Variants in DUOX2 observed in about 807,000 individuals in gnomAD.
The protein encoded by DUOX2 is NADH/NADPH thyroid oxidase p138-tox.
Under a neutral mutation model 183.3 loss-of-function variants are expected in DUOX2, and 185 were observed. That is an observed-to-expected ratio of 1.01 (90% CI 0.90 to 1.14). The LOEUF (loss-of-function observed/expected upper bound fraction) is 1.14. DUOX2 is among the 50% of genes most tolerant of loss of function. DUOX2 has a pLI of 0.00. For missense variants in DUOX2, 1,999 were observed against 2,022.9 expected (o/e 0.99, Z 0.23); for synonymous variants, 788 against 812.4 (o/e 0.97, Z 0.51).
chr15:45,100,196 T>A lies in DUOX2; in HGVS notation c.3038A>T (p.Glu1013Val). Reference sequence around the variant, plus strand: ...TCGCTGCATCTTCTCTTGCAGCGCCTCTGTGTACAGCCGGGGAGTGGGCAC... The same window carrying A: ...TCGCTGCATCTTCTCTTGCAGCGCCACTGTGTACAGCCGGGGAGTGGGCAC... ...AAVPTPRLYT[E>V]ALQEKMQRGF... is the part of the protein sequence containing the mutation. Residue 1013 changes from glutamate to valine, a missense_variant, in exon 24 of 34, where the codon GAG becomes GTG. Physicochemically the swap from Glu to Val is moderately radical, Grantham distance 121. Around this residue, in one of 3 missense-constraint regions of DUOX2, gnomAD observed 1,628 missense variants for 1,608.6 expected, o/e 1.01. Coordinates refer to ENST00000389039, the MANE Select transcript of DUOX2 (RefSeq NM_001363711.2). The A allele has an allele frequency of 6.2e-7, 1 of 1,614,072 alleles. No homozygotes were observed. The highest frequency in any genetic ancestry group is 8.5e-7 in the Non-Finnish European group (1 of 1,180,022).
At chr15:45,110,322 C>G in intron 9 of DUOX2, 106 bp downstream of exon 9, 1 of 1,173,758 alleles carries the variant, frequency 8.5e-7, no homozygotes, top group Admixed American at 2.7e-5. Flanking sequence ...TTTGCTTCCC[C>G]TTCTCTAGTG....
rs1463892261 is a variant in DUOX2, at chr15:45,098,633, C to A, written c.3516-575G>T. Among the ~76,000 whole-genome samples, 3 of 152,140 alleles carry A rather than the reference C, an allele frequency of 2.0e-5. No homozygotes were observed. The East Asian group carries it at 5.8e-4, about 29-fold the overall frequency. ...TCCTTCTTGAAGGCAAGAAATTTACCTTTCAGCTTCCCCCAGGGGACTAGC... is the reference window on the plus strand; with the variant it reads ...TCCTTCTTGAAGGCAAGAAATTTACATTTCAGCTTCCCCCAGGGGACTAGC... On this transcript the variant is annotated intron_variant, in intron 26 of 33. Coordinates refer to ENST00000389039, the MANE Select transcript of DUOX2 (RefSeq NM_001363711.2).
At chr15:45,106,003 A>C in intron 17 of DUOX2, 122 bp downstream of exon 17, 4 of 1,388,144 alleles carry the variant, frequency 2.9e-6, no homozygotes, top group Non-Finnish European at 3.0e-6. Flanking sequence ...CTCTGAAAGG[A>C]GCCCCTCTCC....
At position 45,097,721 on chromosome 15, in the gene DUOX2, G is replaced by A. The variant is rs1893944359; in HGVS notation, c.3586C>T (p.Leu1196Phe). The change falls in exon 28 of 34, where the codon CTC becomes TTC. Residue 1196 changes from leucine to phenylalanine, a missense_variant. Physicochemically the swap from Leu to Phe is conservative, Grantham distance 22 (BLOSUM62 0). Around this residue, in one of 3 missense-constraint regions of DUOX2, gnomAD observed 1,628 missense variants for 1,608.6 expected, o/e 1.01. Transcript: ENST00000389039. ...TVPGMTGVLL[L>F]LVLAIMYVFA... ...ACATACATGATGGCCAGGACCAGGA[G>A]CAGAAGCACACCTGTCATACCTGGG... 6.2e-7 allele frequency: 1 copy of A among 1,614,232 alleles called. No individual in the cohort carries two copies. The highest frequency in any genetic ancestry group is 8.5e-7 in the Non-Finnish European group (1 of 1,180,048).
Position 45,113,092 on chromosome 15 carries a change from A to C in DUOX2, c.71-16T>G. ...TCCTGACTGCCTGTGGGCACAGAGA[A>C]GGGCCTCCTCAGCACTACGCTCCCA... On this transcript the variant is annotated splice_polypyrimidine_tract_variant and intron_variant, in intron 2 of 33. Coordinates refer to ENST00000389039, the MANE Select transcript of DUOX2 (RefSeq NM_001363711.2). 1.2e-6 allele frequency: 2 copies of C among 1,612,132 alleles called. No homozygotes were observed.
chr15:45,100,009 A>G (rs748344717), intron 24 of DUOX2, 41 bp downstream of exon 24: 1 of 1,613,932 alleles, frequency 6.2e-7, no homozygotes, highest in Admixed American at 1.7e-5. Context: ...CAAGGGTCAG[A>G]GCCTGCTCCC....
Position 45,106,936 on chromosome 15 carries a change from GT to G in DUOX2, c.1726del (p.Thr576LeufsTer10). On this transcript the variant is annotated frameshift_variant, in exon 15 of 34. Transcript: ENST00000389039. LOFTEE classifies it high-confidence loss of function. ...APCPQPKQLTTDGLPQCAPLT... is the reference protein window; with the variant it reads ...APCPQPKQLTXDGLPQCAPLT... The stretch of plus-strand genomic sequence containing the variant: ...GGGTGCACACTGGGGCAGGCCGTCA[GT>G]TGTGAGCTGCTTAGGTTGAGGGCAG... 1 of 1,579,780 alleles carries G rather than the reference GT, an allele frequency of 6.3e-7. No individual in the cohort carries two copies. The highest frequency in any genetic ancestry group is 8.6e-7 in the Non-Finnish European group (1 of 1,163,140).
Position 45,108,868 on chromosome 15 carries a change from C to A in DUOX2, c.1319G>T (p.Ser440Ile). 1 of 1,614,234 alleles carries A rather than the reference C, an allele frequency of 6.2e-7. No homozygotes were observed. Reference protein sequence around the residue: ...IQRGRDMGLPSYSQALLAFGL... With the variant: ...IQRGRDMGLPIYSQALLAFGL... ...AAAGGCCAGCAGGGCCTGGCTATAGCTGGGCAGCCCCATATCTCGGCCACG... is the reference window on the plus strand; with the variant it reads ...AAAGGCCAGCAGGGCCTGGCTATAGATGGGCAGCCCCATATCTCGGCCACG... Residue 440 changes from serine (S) to isoleucine (I), a missense_variant, in exon 12 of 34, where the codon AGC (serine) becomes ATC (isoleucine). Physicochemically the swap from Ser to Ile is moderately radical, Grantham distance 142 (BLOSUM62 -2). This residue lies in a region of DUOX2 where 1,628 missense variants were observed against 1,608.6 expected (regional missense o/e 1.01). Transcript: ENST00000389039.
rs1248806148 is a variant in DUOX2 at position 45,103,950 on chromosome 15, C to T, written c.2654+10G>A. 3 of 1,613,868 alleles carry T rather than the reference C, an allele frequency of 1.9e-6. No individual in the cohort carries two copies. The highest frequency in any genetic ancestry group is 2.7e-5 in the African/African-American group (2 of 74,894). ...AGGAAGTCTCAGGATTAGAAAGGCA[C>T]ACCCCATACCGCATCATGGTGAAGA... On this transcript the variant is annotated intron_variant, in intron 20 of 33. Coordinates refer to ENST00000389039, the MANE Select transcript of DUOX2 (RefSeq NM_001363711.2).
Position 45,099,842 on chromosome 15 carries a change from C to T in DUOX2, c.3235G>A (p.Gly1079Ser), listed in dbSNP as rs2141144373. Residue 1079 changes from glycine (G) to serine (S), a missense_variant, in exon 25 of 34, where the codon GGC becomes AGC. This residue lies in a region of DUOX2 where 1,628 missense variants were observed against 1,608.6 expected (regional missense o/e 1.01). Coordinates refer to ENST00000389039, the MANE Select transcript of DUOX2 (RefSeq NM_001363711.2). The stretch of plus-strand genomic sequence containing the variant: ...GCCGTGCCTCGTGACAGGATGATGC[C>T]CACGAGGGTGGTCTGTGCAATGTCC... ...PSDIAQTTLVGIILSRGTAAS... is the reference protein window; with the variant it reads ...PSDIAQTTLVSIILSRGTAAS... 1 of 1,614,118 alleles carries T rather than the reference C, an allele frequency of 6.2e-7. No homozygotes were observed. Among genetic ancestry groups the T allele is most frequent in the Non-Finnish European group, 8.5e-7 (1 of 1,180,024 alleles).
intron 28 of DUOX2, 91 bp downstream of exon 28, chr15:45,097,523 T>G: frequency 6.2e-7 from 1 of 1,612,342 alleles, no homozygotes; most frequent in Non-Finnish European, 8.5e-7. Flanking sequence ...AAAGTCTCAT[T>G]CTGAGATCTT....
intron 2 of DUOX2, 122 bp downstream of exon 2, chr15:45,113,220 C>A (rs2141160533): frequency 1.4e-6 from 2 of 1,453,148 alleles, no homozygotes; most frequent in East Asian, 2.5e-5. Context: ...AGTTTCCCAT[C>A]CCGCTGAGCT....
Position 45,111,093 on chromosome 15 carries a change from G to A in DUOX2, c.882+18C>T, listed in dbSNP as rs1236443749. On this transcript the variant is annotated intron_variant, in intron 7 of 33. Coordinates refer to ENST00000389039, the MANE Select transcript of DUOX2 (RefSeq NM_001363711.2). ...TTGCACGCGGAAGGGAGGACGTCGC[G>A]GGGCGCGGACGGCTGACCTGGTAGG... 1.5e-5 allele frequency: 14 copies of A among 960,280 alleles called. No homozygotes were observed. Among genetic ancestry groups the A allele is most frequent in the Non-Finnish European group, 2.1e-5 (14 of 658,456 alleles). The allele number at this position is 960,280 out of a possible 1,614,324, so 59.5% of individuals were successfully genotyped here. A position where few individuals can be genotyped will look rare whatever the true frequency, so the allele number is the denominator to read the frequency against.
At chr15:45,113,635 C>T (rs1454261257) in intron 1 of DUOX2, among the ~76,000 whole-genome samples, 1 of 152,192 alleles carries the variant, frequency 6.6e-6, no homozygotes, top group Non-Finnish European at 1.5e-5. Context: ...GGCATTGACA[C>T]TGTTCCCCAT....
chr15:45,110,626 T>C (rs1394633825), intron 8 of DUOX2, 24 bp downstream of exon 8: 2 of 1,613,196 alleles, frequency 1.2e-6, no homozygotes, highest in Non-Finnish European at 1.7e-6. Flanking sequence ...TCCGCACAGG[T>C]GTCCTCCTTC....
rs1595519836 is a variant in DUOX2, at chr15:45,097,292, G to A, written c.3793C>T (p.Leu1265=). Residue 1265 remains leucine (L), a synonymous_variant, in exon 29 of 34, where the codon CTG becomes TTG. Coordinates refer to ENST00000389039, the MANE Select transcript of DUOX2 (RefSeq NM_001363711.2). ...IIYGGDKLVS[L]SRKKVEISVV... is the part of the protein sequence containing the mutation. ...CTGATCTCCACCTTCTTCCGGCTCA[G>A]GCTCACCAGCTTGTCACCTCCATAG... 1 of 1,614,254 alleles carries A rather than the reference G, an allele frequency of 6.2e-7. No individual in the cohort carries two copies. The highest frequency in any genetic ancestry group is 1.1e-5 in the South Asian group (1 of 91,090).
At chr15:45,112,010 C>A in intron 4 of DUOX2, 55 bp from the exon 5 acceptor site, 1 of 1,585,560 alleles carries the variant, frequency 6.3e-7, no homozygotes, top group Non-Finnish European at 8.6e-7. Flanking sequence ...GCCCTCCCCA[C>A]GGCCAGGGCG....
In DUOX2 at chr15:45,104,096, G is replaced by A. The variant is rs114725682; in HGVS notation, c.2561-43C>T. On this transcript the variant is annotated intron_variant, in intron 19 of 33. Coordinates refer to ENST00000389039, the MANE Select transcript of DUOX2 (RefSeq NM_001363711.2). ...AATGCAGGTCATCTCCTTGCTGAAA[G>A]ACCCCTGGATTCTTGGATAGCCTGC... 485 of 1,614,114 alleles carry A rather than the reference G, an allele frequency of 3.0e-4. 3 individuals carry two copies. The African/African-American group carries it at 6.0e-3, about 20-fold the overall frequency.
At position 45,113,043 on chromosome 15, in the gene DUOX2, A is replaced by G. The variant is rs1424915202; in HGVS notation, c.104T>C (p.Val35Ala). The change falls in exon 3 of 34, where the codon GTG becomes GCG. Residue 35 changes from valine (V) to alanine (A), a missense_variant. Transcript: ENST00000389039. ...SQDALSLPWE[V>A]QRYDGWFNNL... ...GTTAAACCAGCCGTCATAGCGCTGC[A>G]CTTCCCAGGGCAGTGAGAGTGCGTC... 4 of 1,614,028 alleles carry G rather than the reference A, an allele frequency of 2.5e-6. No individual in the cohort carries two copies. Among genetic ancestry groups the G allele is most frequent in the South Asian group, 2.2e-5 (2 of 91,078 alleles).
Sources: allele counts gnomAD v4.1 joint callset (sites outside exome capture counted in the v4.1 genomes callset), GRCh38; gene constraint gnomAD v4.1.1; regional missense constraint gnomAD v4.1.1; transcripts MANE v1.5; gene names NCBI Gene and HGNC (gene_info 2026-07-23, HGNC 2026-07-21).